GOLGA4: variants seen among roughly 807,000 people sequenced by gnomAD.
The protein encoded by GOLGA4 is golgin A4, also known as golgin subfamily A member 4.
Under a neutral mutation model 265.9 loss-of-function variants are expected in GOLGA4, and 169 were observed. That is an observed-to-expected ratio of 0.64 (90% CI 0.56 to 0.72). The LOEUF (loss-of-function observed/expected upper bound fraction) is 0.72, where lower values mean the gene tolerates loss of function less well. Ranked by LOEUF, GOLGA4 falls within the 30% of genes least tolerant of loss-of-function variation. GOLGA4 has a pLI of 0.00. For synonymous variants in GOLGA4, 923 were observed against 855.8 expected (o/e 1.08, Z -1.37); for missense variants, 2,482 against 2,483.4 (o/e 1.00, Z 0.01).
intron 4 of GOLGA4, among the ~76,000 whole-genome samples, chr3:37,287,036 G>A (rs2096851332): frequency 6.6e-6 from 1 of 152,078 alleles, no homozygotes; most frequent in Non-Finnish European, 1.5e-5. Flanking sequence ...TCAGTTTGCT[G>A]TGTTTTAAAA....
At chr3:37,244,822 G>T (rs2096714626) in intron 1 of GOLGA4, among the ~76,000 whole-genome samples, 1 of 152,148 alleles carries the variant, frequency 6.6e-6, no homozygotes, top group Non-Finnish European at 1.5e-5. Context: ...AATTTAAATG[G>T]TAAAGATTGT....
At chr3:37,275,673 G>C in intron 2 of GOLGA4, 1 of 1,611,724 alleles carries the variant, frequency 6.2e-7, no homozygotes, top group Non-Finnish European at 8.5e-7. Flanking sequence ...GGGTGGGCGC[G>C]GAGAAGACCT....
chr3:37,346,826 G>A (rs1436498755), intron 20 of GOLGA4, among the ~76,000 whole-genome samples: 1 of 152,130 alleles, frequency 6.6e-6, no homozygotes, highest in African/African-American at 2.4e-5. Flanking sequence ...TGTATTGTCT[G>A]ACTTTTAAGA....
chr3:37,316,337 A>C (rs570510600), intron 11 of GOLGA4, among the ~76,000 whole-genome samples: 1 of 152,252 alleles, frequency 6.6e-6, no homozygotes, highest in Admixed American at 6.5e-5. Flanking sequence ...GCTTAAGATA[A>C]ATTATAGATC....
rs555939146 is a variant in GOLGA4, at chr3:37,366,667, C to A, written c.*621C>A. Reference sequence around the variant, plus strand: ...TACTGTAAATTGTGAATAGCCAATACATAACTGTATTGTATGCAAATCTGT... The same window carrying A: ...TACTGTAAATTGTGAATAGCCAATAAATAACTGTATTGTATGCAAATCTGT... On this transcript the variant is annotated 3_prime_UTR_variant, in exon 24 of 24. Transcript: ENST00000361924. 6.5e-6 allele frequency: 1 copy of A among 152,768 alleles called. No individual in the cohort carries two copies. The highest frequency in any genetic ancestry group is 6.5e-5 in the Admixed American group (1 of 15,302). 9.5% of individuals were successfully genotyped at this position (152,768 alleles called of 1,614,324 possible).
At chr3:37,361,443 T>C in intron 23 of GOLGA4, 138 bp downstream of exon 23, 1 of 553,352 alleles carries the variant, frequency 1.8e-6, no homozygotes, top group South Asian at 3.0e-5. Context: ...GTATTTTCTG[T>C]TCATTCTGTT....
At position 37,243,327 on chromosome 3, in the gene GOLGA4, C is replaced by A. The variant is rs578261830; in HGVS notation, c.-224C>A. 3.5e-6 allele frequency: 2 copies of A among 570,826 alleles called. No homozygotes were observed. The highest frequency in any genetic ancestry group is 3.1e-6 in the Non-Finnish European group (1 of 319,316). The allele number at this position is 570,826 out of a possible 1,614,324, so 35.4% of individuals were successfully genotyped here. A position where few individuals can be genotyped will look rare whatever the true frequency, so the allele number is the denominator to read the frequency against. ...CGGCTCCCGGGGCTGGATGGGGGGC[C>A]GAGGCCAGCCAGTGGCACCCGGAAG... On this transcript the variant is annotated 5_prime_UTR_variant, in exon 1 of 24. Transcript: ENST00000361924.
At chr3:37,336,090 A>G (rs1018211256) in intron 17 of GOLGA4, among the ~76,000 whole-genome samples, 2 of 152,224 alleles carry the variant, frequency 1.3e-5, no homozygotes, top group African/African-American at 2.4e-5. Context: ...AAGAGCCTCT[A>G]TAAAGAGCTT....
chr3:37,264,689 T>G (rs965579620), intron 2 of GOLGA4, among the ~76,000 whole-genome samples: 1 of 152,106 alleles, frequency 6.6e-6, no homozygotes, highest in Non-Finnish European at 1.5e-5. Flanking sequence ...TTAGATAATA[T>G]ATTAACTGCT....
At chr3:37,316,413 G>A (rs2096937749) in intron 11 of GOLGA4, among the ~76,000 whole-genome samples, 1 of 152,084 alleles carries the variant, frequency 6.6e-6, no homozygotes, top group Non-Finnish European at 1.5e-5. Flanking sequence ...TAAGGTTTCT[G>A]TGCTTTTACT....
rs1441529188 is a variant in GOLGA4 at position 37,243,468 on chromosome 3, C to T, written c.-83C>T. On this transcript the variant is annotated 5_prime_UTR_variant, in exon 1 of 24. Coordinates refer to ENST00000361924, the MANE Select transcript of GOLGA4 (RefSeq NM_002078.5). ...CCCGCTGTCCCTGGTGTAAAGAAGT[C>T]GCCGTAGCCGTCGCGGCCGGGACTC... 4.2e-6 allele frequency: 5 copies of T among 1,198,302 alleles called. No individual in the cohort carries two copies. In the East Asian group the frequency reaches 9.4e-5, roughly 23 times the overall value. 74.2% of individuals were successfully genotyped at this position (1,198,302 alleles called of 1,614,324 possible). A position where few individuals can be genotyped will look rare whatever the true frequency, so the allele number is the denominator to read the frequency against.
chr3:37,260,472 T>C (rs2096766589), intron 2 of GOLGA4, among the ~76,000 whole-genome samples: 1 of 151,976 alleles, frequency 6.6e-6, no homozygotes. Context: ...CTGTCTCTAC[T>C]AAAAATATAA....
intron 16 of GOLGA4, among the ~76,000 whole-genome samples, chr3:37,331,651 G>A (rs368318570): frequency 2.0e-5 from 3 of 152,092 alleles, no homozygotes; most frequent in African/African-American, 7.2e-5. Flanking sequence ...TGATGACATT[G>A]TAGAATGCTG....
intron 2 of GOLGA4, among the ~76,000 whole-genome samples, chr3:37,260,570 A>G (rs1470701762): frequency 6.6e-6 from 1 of 151,102 alleles, no homozygotes; most frequent in East Asian, 2.0e-4. Context: ...TGGGAGGTAG[A>G]GAGGTTCCAG....
At chr3:37,292,150 G>A (rs139657891) in intron 5 of GOLGA4, among the ~76,000 whole-genome samples, 29 of 152,258 alleles carry the variant, frequency 1.9e-4, no homozygotes, top group Admixed American at 1.8e-3. Context: ...AGTATAAATC[G>A]AGGAGTGTTT....
Position 37,321,715 on chromosome 3 carries a change from A to G in GOLGA4, c.1546-16A>G. On this transcript the variant is annotated splice_polypyrimidine_tract_variant and intron_variant, in intron 12 of 23. Transcript: ENST00000361924. ...TTTATGTGCGTTTAAGGTGGTATTAATTATTTTTGGCACAGGAAAAGAGTC... is the reference window on the plus strand; with the variant it reads ...TTTATGTGCGTTTAAGGTGGTATTAGTTATTTTTGGCACAGGAAAAGAGTC... 1 of 1,591,190 alleles carries G rather than the reference A, an allele frequency of 6.3e-7. No individual in the cohort carries two copies. Among genetic ancestry groups the G allele is most frequent in the East Asian group, 2.2e-5 (1 of 44,752 alleles).
chr3:37,364,011 C>T (rs1247562610), intron 23 of GOLGA4, among the ~76,000 whole-genome samples: 11 of 152,020 alleles, frequency 7.2e-5, no homozygotes, highest in Non-Finnish European at 1.5e-4. Context: ...CTTTAGGTTC[C>T]TAGGACCAAC....
intron 22 of GOLGA4, among the ~76,000 whole-genome samples, chr3:37,357,075 G>A (rs1186610137): frequency 1.5e-5 from 2 of 136,236 alleles, no homozygotes; most frequent in Admixed American, 1.5e-4. Flanking sequence ...AGACAAAAAA[G>A]GTTTGTTTTT....
In GOLGA4 at chr3:37,325,689, C is replaced by T. The variant is rs780786648; in HGVS notation, c.3803C>T (p.Thr1268Ile). The T allele has an allele frequency of 1.9e-6, 3 of 1,613,506 alleles. No individual in the cohort carries two copies. The highest frequency in any genetic ancestry group is 2.2e-5 in the South Asian group (2 of 91,074). Residue 1268 changes from threonine to isoleucine, a missense_variant, in exon 14 of 24, where the codon ACT (threonine) becomes ATT (isoleucine). Transcript: ENST00000361924. Reference protein sequence around the residue: ...TKVKEALLIKTCTVSELEAQL... With the variant: ...TKVKEALLIKICTVSELEAQL... Reference sequence around the variant, plus strand: ...GTTAAGGAGGCACTGTTAATTAAAACTTGCACAGTTTCTGAATTAGAAGCA... The same window carrying T: ...GTTAAGGAGGCACTGTTAATTAAAATTTGCACAGTTTCTGAATTAGAAGCA...
Sources: gnomAD v4.1 joint callset for allele counts (sites outside exome capture counted in the v4.1 genomes callset) on GRCh38, gnomAD v4.1.1 for gene constraint, MANE v1.5 for transcripts, NCBI Gene and HGNC (gene_info 2026-07-23, HGNC 2026-07-21) for gene names.